LAMC1: variants seen among roughly 807,000 people sequenced by gnomAD.
LAMC1 encodes the protein laminin subunit gamma-1.
LAMC1 carries 38 observed loss-of-function variants against 173.6 expected under a neutral mutation model. The observed-to-expected ratio is 0.22, with a 90% confidence interval of 0.17 to 0.29. The LOEUF (loss-of-function observed/expected upper bound fraction) is 0.29. Among genes scored for constraint, LAMC1 ranks in the 10% least tolerant of loss-of-function variants. The probability of loss-of-function intolerance (pLI) is 1.00; values close to 1 mark genes in which losing one functional copy is unlikely to be tolerated. For synonymous variants in LAMC1, 746 were observed against 749.1 expected (o/e 1.00, Z 0.07); for missense variants, 1,824 against 2,051.8 (o/e 0.89, Z 2.14).
chr1:183,065,351 C>T lies in LAMC1; in HGVS notation c.419-37977C>T, dbSNP rs559295728. 5.9e-5 allele frequency among the ~76,000 whole-genome samples: 9 copies of T among 152,224 alleles called. 1 individual carries two copies. Among genetic ancestry groups the T allele is most frequent in the South Asian group, 4.1e-4 (2 of 4,828 alleles). On this transcript the variant is annotated intron_variant, in intron 1 of 27. Transcript: ENST00000258341. ...ATGTGATTGTAGGGGCTGGCAAGTCCAAAATCTGTGGGGCAGGCCAGCAGG... is the reference window on the plus strand; with the variant it reads ...ATGTGATTGTAGGGGCTGGCAAGTCTAAAATCTGTGGGGCAGGCCAGCAGG...
At chr1:183,127,192 G>A in intron 16 of LAMC1, 34 bp from the exon 17 acceptor site, 1 of 1,592,018 alleles carries the variant, frequency 6.3e-7, no homozygotes, top group Non-Finnish European at 8.6e-7. Context: ...TCCTTCTTTT[G>A]CTAATTATGT....
chr1:183,131,706 T>C (rs951918569), intron 20 of LAMC1, among the ~76,000 whole-genome samples: 6 of 152,156 alleles, frequency 3.9e-5, no homozygotes, highest in African/African-American at 1.4e-4. Flanking sequence ...AACTAGCAGA[T>C]TGTTGTTAAT....
rs149447024 is a variant in LAMC1, at chr1:183,118,110, A to G, written c.1954A>G (p.Thr652Ala). ...ATTTCAGAAGCTCCTAAACAACTTG[A>G]CCTCTATCAAGATACGTGGGACATA... is the stretch of plus-strand genomic sequence containing the variant. ...FEFQKLLNNL[T>A]SIKIRGTYSE... Residue 652 changes from threonine to alanine, a missense_variant, in exon 11 of 28, where the codon ACC becomes GCC. Physicochemically the swap from Thr to Ala is moderately conservative, Grantham distance 58. Transcript: ENST00000258341. 1 of 1,610,660 alleles carries G rather than the reference A, an allele frequency of 6.2e-7. No individual in the cohort carries two copies. The highest frequency in any genetic ancestry group is 1.3e-5 in the African/African-American group (1 of 74,792).
At position 183,027,821 on chromosome 1, in the gene LAMC1, TC is replaced by T. The variant is rs1453814488; in HGVS notation, c.418+3693del. ...TTAACATGGAACAAATGGCAATTTT[TC>T]CCCCCAGGAAAACCTTTGCAAGGTG... On this transcript the variant is annotated intron_variant, in intron 1 of 27. Transcript: ENST00000258341. Among the ~76,000 whole-genome samples, 5 of 152,274 alleles carry T rather than the reference TC, an allele frequency of 3.3e-5. 1 individual carries two copies. In the South Asian group the frequency reaches 8.3e-4, roughly 25 times the overall value.
intron 1 of LAMC1, among the ~76,000 whole-genome samples, chr1:183,038,620 G>A (rs1654045176): frequency 6.6e-6 from 1 of 152,186 alleles, no homozygotes; most frequent in East Asian, 1.9e-4. Flanking sequence ...ATGATGAAAT[G>A]AGCTGAACAG....
At chr1:183,055,569 C>T (rs10911213) in intron 1 of LAMC1, among the ~76,000 whole-genome samples, 76,160 of 151,642 alleles carry the variant, frequency 0.5, 19,747 homozygotes, top group South Asian at 0.64. Context: ...ATCCCAGCAT[C>T]TTGAGAGGCC....
intron 1 of LAMC1, among the ~76,000 whole-genome samples, chr1:183,065,258 A>C (rs947928451): frequency 6.6e-6 from 1 of 152,166 alleles, no homozygotes; most frequent in Non-Finnish European, 1.5e-5. Flanking sequence ...TATGCAGTGC[A>C]TGACTGTATG....
At chr1:183,034,053 C>G (rs1021424763) in intron 1 of LAMC1, among the ~76,000 whole-genome samples, 1 of 152,130 alleles carries the variant, frequency 6.6e-6, no homozygotes, top group African/African-American at 2.4e-5. Flanking sequence ...GATCTACCCA[C>G]TTAAAATGAG....
Position 183,117,628 on chromosome 1 carries a change from C to G in LAMC1, c.1782C>G (p.Asp594Glu). Residue 594 changes from aspartate (D) to glutamate (E), a missense_variant, in exon 10 of 28, where the codon GAC becomes GAG. Coordinates refer to ENST00000258341, the MANE Select transcript of LAMC1 (RefSeq NM_002293.4). Reference protein sequence around the residue: ...DRRDTRLSAEDLVLEGAGLRV... With the variant: ...DRRDTRLSAEELVLEGAGLRV... ...GAGATACTCGCCTCTCTGCAGAAGA[C>G]CTTGTGCTTGAGGGAGCTGGCTTAA... The G allele has an allele frequency of 6.2e-7, 1 of 1,614,220 alleles. No individual in the cohort carries two copies. Among genetic ancestry groups the G allele is most frequent in the Non-Finnish European group, 8.5e-7 (1 of 1,180,046 alleles).
intron 1 of LAMC1, among the ~76,000 whole-genome samples, chr1:183,045,039 A>C (rs1654232087): frequency 6.6e-6 from 1 of 151,480 alleles, no homozygotes; most frequent in Admixed American, 6.6e-5. Context: ...CCCAGGGATT[A>C]TTTCTCAGAG....
rs369040921 is a variant in LAMC1, at chr1:183,122,269, A to T, written c.2401+18A>T. On this transcript the variant is annotated intron_variant, in intron 13 of 27. Coordinates refer to ENST00000258341, the MANE Select transcript of LAMC1 (RefSeq NM_002293.4). ...CACCACTGGTAAGTCTGCTCGCTTC[A>T]TCTGCTTTCAGTGTTCCCTTCTATA... is the stretch of plus-strand genomic sequence containing the variant. 3.1e-6 allele frequency: 5 copies of T among 1,611,358 alleles called. No individual in the cohort carries two copies. Among genetic ancestry groups the T allele is most frequent in the Admixed American group, 1.7e-5 (1 of 59,864 alleles).
Position 183,133,462 on chromosome 1 carries a change from A to C in LAMC1, c.3761A>C (p.His1254Pro), listed in dbSNP as rs770268047. The change falls in exon 22 of 28, where the codon CAT (histidine) becomes CCT (proline). Residue 1254 changes from histidine to proline, a missense_variant. Physicochemically the swap from His to Pro is moderately conservative, Grantham distance 77. Coordinates refer to ENST00000258341, the MANE Select transcript of LAMC1 (RefSeq NM_002293.4). ...QDLEKQAARV[H>P]EEAKRAGDKA... ...CTGGAAAAACAAGCTGCCCGAGTAC[A>C]TGAGGAGGCCAAAAGGGCCGGTGAC... 1 of 1,614,144 alleles carries C rather than the reference A, an allele frequency of 6.2e-7. No homozygotes were observed. Among genetic ancestry groups the C allele is most frequent in the Non-Finnish European group, 8.5e-7 (1 of 1,179,974 alleles).
rs561573512 is a variant in LAMC1 at position 183,082,239 on chromosome 1, G to A, written c.419-21089G>A. Reference sequence around the variant, plus strand: ...TGTGTGGACATACATTTTCAACTCAGTTGAGCAAATTCAAGGGATGGATTA... The same window carrying A: ...TGTGTGGACATACATTTTCAACTCAATTGAGCAAATTCAAGGGATGGATTA... On this transcript the variant is annotated intron_variant, in intron 1 of 27. Transcript: ENST00000258341. 1.6e-4 allele frequency among the ~76,000 whole-genome samples: 25 copies of A among 152,236 alleles called. No homozygotes were observed. The East Asian group carries it at 4.2e-3, about 26-fold the overall frequency.
At chr1:183,050,655 G>T (rs914117330) in intron 1 of LAMC1, among the ~76,000 whole-genome samples, 2 of 148,124 alleles carry the variant, frequency 1.4e-5, no homozygotes, top group Non-Finnish European at 3.0e-5. Flanking sequence ...ACTTTGGGAG[G>T]CTGAGGCTGG....
intron 1 of LAMC1, among the ~76,000 whole-genome samples, chr1:183,077,554 C>T (rs369272370): frequency 6.6e-6 from 1 of 151,934 alleles, no homozygotes; most frequent in Admixed American, 6.6e-5. Flanking sequence ...CCCTTGCCCC[C>T]CTCCCATCCT....
rs757666312 is a variant in LAMC1, at chr1:183,137,657, T to C, written c.4315-12T>C. 5.6e-5 allele frequency: 86 copies of C among 1,525,978 alleles called. No homozygotes were observed. The highest frequency in any genetic ancestry group is 7.3e-5 in the Non-Finnish European group (83 of 1,139,490). The allele number at this position is 1,525,978 out of a possible 1,614,324, so 94.5% of individuals were successfully genotyped here. A position where few individuals can be genotyped will look rare whatever the true frequency, so the allele number is the denominator to read the frequency against. On this transcript the variant is annotated splice_polypyrimidine_tract_variant and intron_variant, in intron 25 of 27. Transcript: ENST00000258341. ...CTTTTTTAAAAAAAGTACAATTTTC[T>C]TTTGTGCCTAGAATGCCACCAGCAC...
In LAMC1 at chr1:183,080,151, G is replaced by C. The variant is rs150188511; in HGVS notation, c.419-23177G>C. 4.4e-3 allele frequency among the ~76,000 whole-genome samples: 677 copies of C among 152,296 alleles called. 7 individuals carry two copies. The highest frequency in any genetic ancestry group is 0.015 in the African/African-American group (642 of 41,548). ...CCCAGCTACTCTGGAGGCTGAGGCA[G>C]GTGAATTGCTTGAACCTGGGAAGCG... On this transcript the variant is annotated intron_variant, in intron 1 of 27. Transcript: ENST00000258341.
At chr1:183,062,881 G>C (rs912434061) in intron 1 of LAMC1, among the ~76,000 whole-genome samples, 1 of 152,092 alleles carries the variant, frequency 6.6e-6, no homozygotes, top group African/African-American at 2.4e-5. Context: ...TTGAACCCAG[G>C]AGGCAGAGTT....
rs775548473 is a variant in LAMC1 at position 183,136,396 on chromosome 1, G to A, written c.4125G>A (p.Arg1375=). ...DILNNLKDFD[R]RVNDNKTAAE... ...TTGAACTTGTTTCAGATTTTGATAGGCGTGTGAACGATAACAAGACGGCCG... is the reference window on the plus strand; with the variant it reads ...TTGAACTTGTTTCAGATTTTGATAGACGTGTGAACGATAACAAGACGGCCG... The change falls in exon 25 of 28, where the codon AGG becomes AGA. Residue 1375 remains arginine (R), a synonymous_variant. Transcript: ENST00000258341. 4.3e-6 allele frequency: 7 copies of A among 1,614,036 alleles called. No individual in the cohort carries two copies. Among genetic ancestry groups the A allele is most frequent in the East Asian group, 2.2e-5 (1 of 44,878 alleles).
Sources: gnomAD v4.1 joint callset for allele counts (sites outside exome capture counted in the v4.1 genomes callset) on GRCh38, gnomAD v4.1.1 for gene constraint, MANE v1.5 for transcripts, NCBI Gene and HGNC (gene_info 2026-07-23, HGNC 2026-07-21) for gene names.